Variants in ATRN observed in about 807,000 individuals in gnomAD.
The protein encoded by ATRN is attractin.
Under a neutral mutation model 178.7 loss-of-function variants are expected in ATRN, and 54 were observed. The ratio of observed to expected loss-of-function variants is 0.30; its 90% CI spans 0.24 to 0.38. The LOEUF is 0.38. Among genes scored for constraint, ATRN ranks in the 10% least tolerant of loss-of-function variants. The pLI, the probability that ATRN is intolerant of heterozygous loss-of-function variation, is 1.00. For missense variants in ATRN, 1,443 were observed against 1,815.1 expected, an observed-to-expected ratio of 0.79 and a Z score of 3.73; for synonymous variants, 636 against 663.0, an observed-to-expected ratio of 0.96 and a Z score of 0.63.
At chr20:3,591,808 C>G (rs117882745) in intron 19 of ATRN, among the ~76,000 whole-genome samples, 5,797 of 152,308 alleles carry the variant, frequency 0.038, 148 homozygotes, top group Non-Finnish European at 0.056. Context: ...CCTCCTCCCC[C>G]CATCAGGAGG....
chr20:3,494,396 G>A (rs1490130241), intron 1 of ATRN, among the ~76,000 whole-genome samples: 1 of 152,098 alleles, frequency 6.6e-6, no homozygotes, highest in Non-Finnish European at 1.5e-5. Context: ...TGATCAGATT[G>A]CCCTTGGTAA....
At position 3,578,433 on chromosome 20, in the gene ATRN, A is replaced by G. The variant is rs143568396; in HGVS notation, c.2354-149A>G. On this transcript the variant is annotated intron_variant, in intron 14 of 28. Transcript: ENST00000262919. ...TCTTGTATTCTGCATTTGGTCCTTA[A>G]TAATGTGTCAGAGGCTCCCACATCC... The G allele has an allele frequency of 4.0e-5, 26 of 653,214 alleles. No individual in the cohort carries two copies. The East Asian group carries it at 7.3e-4, about 18-fold the overall frequency. The allele number at this position is 653,214 out of a possible 1,614,324, so 40.5% of individuals were successfully genotyped here.
chr20:3,607,146 G>T (rs1243749804), intron 24 of ATRN, among the ~76,000 whole-genome samples: 4 of 151,704 alleles, frequency 2.6e-5, no homozygotes, highest in Non-Finnish European at 5.9e-5. Context: ...GTATTTATGA[G>T]GTACATGAGA....
chr20:3,508,114 T>C (rs2085072753), intron 1 of ATRN, among the ~76,000 whole-genome samples: 1 of 151,830 alleles, frequency 6.6e-6, no homozygotes, highest in Non-Finnish European at 1.5e-5. Context: ...TTTGGGAGGC[T>C]GAGGCGGGAT....
intron 5 of ATRN, 125 bp downstream of exon 5, chr20:3,547,614 A>G (rs1245745080): frequency 7.1e-6 from 6 of 847,654 alleles, no homozygotes; most frequent in African/African-American, 1.7e-5. Flanking sequence ...GGTAGCATTT[A>G]AGCTTGAAAC....
At chr20:3,504,987 C>T (rs1233762032) in intron 1 of ATRN, among the ~76,000 whole-genome samples, 2 of 151,934 alleles carry the variant, frequency 1.3e-5, no homozygotes, top group Non-Finnish European at 2.9e-5. Flanking sequence ...AACTCAAAAA[C>T]AATATAAACA....
At chr20:3,479,742 G>C (rs1328314935) in intron 1 of ATRN, among the ~76,000 whole-genome samples, 1 of 152,210 alleles carries the variant, frequency 6.6e-6, no homozygotes, top group African/African-American at 2.4e-5. Context: ...GGGAGGATCT[G>C]TTCCATGCCT....
rs567158659 is a variant in ATRN at position 3,645,863 on chromosome 20, G to A, written c.4166-860G>A. Reference sequence around the variant, plus strand: ...CGAGCCTGCGCTGGCCATTTCCCACGTATATTAGGAATCCAGCTCCCCCAG... The same window carrying A: ...CGAGCCTGCGCTGGCCATTTCCCACATATATTAGGAATCCAGCTCCCCCAG... On this transcript the variant is annotated intron_variant, in intron 28 of 28. Coordinates refer to ENST00000262919, the MANE Select transcript of ATRN (RefSeq NM_139321.3). The surrounding 1 kb of genome is among the most constrained non-coding windows in gnomAD (Gnocchi z 4.7). Among the ~76,000 whole-genome samples, 2 of 151,780 alleles carry A rather than the reference G, an allele frequency of 1.3e-5. No homozygotes were observed. Among genetic ancestry groups the A allele is most frequent in the South Asian group, 4.2e-4 (2 of 4,800 alleles).
At chr20:3,567,670 G>T (rs2086055184) in intron 11 of ATRN, among the ~76,000 whole-genome samples, 1 of 152,202 alleles carries the variant, frequency 6.6e-6, no homozygotes, top group Non-Finnish European at 1.5e-5. Flanking sequence ...ATTTCTTCAT[G>T]CTTTAAGTGG....
Position 3,646,872 on chromosome 20 carries a change from G to T in ATRN, c.*25G>T. 1.2e-6 allele frequency: 2 copies of T among 1,611,656 alleles called. No individual in the cohort carries two copies. The highest frequency in any genetic ancestry group is 1.7e-6 in the Non-Finnish European group (2 of 1,179,054). The stretch of plus-strand genomic sequence containing the variant: ...ATGCTGGGGCCAGGGACTCTCCCAC[G>T]CACGAGCTAGTGAGTGGCACACCAG... On this transcript the variant is annotated 3_prime_UTR_variant, in exon 29 of 29. Transcript: ENST00000262919.
rs150545791 is a variant in ATRN at position 3,582,029 on chromosome 20, C to T, written c.2545-106C>T. On this transcript the variant is annotated intron_variant, in intron 15 of 28. Transcript: ENST00000262919. The stretch of plus-strand genomic sequence containing the variant: ...CCAAGGTGGGAGGATCACTTGAGCT[C>T]AGGAGTTTGAAACTAGCCAGGGCAA... 9.8e-5 allele frequency: 101 copies of T among 1,034,980 alleles called. No individual in the cohort carries two copies. In the African/African-American group the frequency reaches 1.5e-3, roughly 16 times the overall value. 64.1% of individuals were successfully genotyped at this position (1,034,980 alleles called of 1,614,324 possible).
intron 1 of ATRN, among the ~76,000 whole-genome samples, chr20:3,479,190 C>T (rs781464302): frequency 3.9e-5 from 6 of 152,048 alleles, no homozygotes; most frequent in African/African-American, 1.2e-4. Flanking sequence ...TGCACCTGAC[C>T]CCTATTATCT....
At chr20:3,503,212 C>A (rs2084987948) in intron 1 of ATRN, among the ~76,000 whole-genome samples, 1 of 152,022 alleles carries the variant, frequency 6.6e-6, no homozygotes, top group African/African-American at 2.4e-5. Flanking sequence ...AAAAGTAGAC[C>A]AAGATACTCG....
At chr20:3,633,713 A>T (rs2087005503) in intron 25 of ATRN, among the ~76,000 whole-genome samples, 1 of 152,184 alleles carries the variant, frequency 6.6e-6, no homozygotes, top group Non-Finnish European at 1.5e-5. Context: ...AGAGCATTGA[A>T]ATCCTCTGCA....
chr20:3,481,935 G>A (rs1188787712), intron 1 of ATRN, among the ~76,000 whole-genome samples: 1 of 151,044 alleles, frequency 6.6e-6, no homozygotes, highest in African/African-American at 2.4e-5. Flanking sequence ...TAAACATTAG[G>A]GGCTGGAATT....
At chr20:3,639,111 A>C (rs767049855) in intron 27 of ATRN, among the ~76,000 whole-genome samples, 176 bp downstream of exon 27, 1 of 152,124 alleles carries the variant, frequency 6.6e-6, no homozygotes, top group Non-Finnish European at 1.5e-5. Context: ...TTTGTTTTTC[A>C]ATCTTTGTTT....
intron 1 of ATRN, among the ~76,000 whole-genome samples, chr20:3,480,780 A>G (rs1212721335): frequency 2.0e-5 from 3 of 152,260 alleles, no homozygotes. Flanking sequence ...GTTTATGATC[A>G]GAACAGTTTT....
chr20:3,644,809 C>G (rs889177319), intron 28 of ATRN, among the ~76,000 whole-genome samples: 1 of 152,218 alleles, frequency 6.6e-6, no homozygotes, highest in Non-Finnish European at 1.5e-5. Context: ...AAGGAAACGT[C>G]TGAAAATCCA....
At chr20:3,492,181 G>A (rs1212812986) in intron 1 of ATRN, among the ~76,000 whole-genome samples, 1 of 151,104 alleles carries the variant, frequency 6.6e-6, no homozygotes, top group Non-Finnish European at 1.5e-5. Context: ...GTGTGTGTGT[G>A]TGTGTGTGTG....
Sources: gnomAD v4.1 joint callset for allele counts (sites outside exome capture counted in the v4.1 genomes callset) on GRCh38, gnomAD v4.1.1 for gene constraint, Gnocchi (gnomAD v3.1) non-coding constraint, MANE v1.5 for transcripts, NCBI Gene and HGNC (gene_info 2026-07-23, HGNC 2026-07-21) for gene names.